Variants in ENPEP observed in about 807,000 individuals in gnomAD.
ENPEP encodes glutamyl aminopeptidase.
A neutral mutation model predicts 114.5 loss-of-function variants in ENPEP; 103 were observed. That is an observed-to-expected ratio of 0.90 (90% CI 0.77 to 1.06). ENPEP has a LOEUF of 1.06. Among genes scored for constraint, ENPEP ranks in the 50% least tolerant of loss-of-function variants. ENPEP has a pLI of 0.00. For synonymous variants in ENPEP, 420 were observed against 422.0 expected, an observed-to-expected ratio of 1.00 and a Z score of 0.06; for missense variants, 1,196 against 1,161.3, an observed-to-expected ratio of 1.03 and a Z score of -0.43.
chr4:110,477,191 G>T, intron 1 of ENPEP, 133 bp downstream of exon 1: 1 of 1,303,874 alleles, frequency 7.7e-7, no homozygotes. Context: ...TTCAATTCTG[G>T]CTGTCCATCT....
rs917837804 is a variant in ENPEP, at chr4:110,562,427, A to G, written c.*869A>G. 1 of 152,138 alleles carries G rather than the reference A, an allele frequency of 6.6e-6. No homozygotes were observed. Among genetic ancestry groups the G allele is most frequent in the Non-Finnish European group, 1.5e-5 (1 of 68,006 alleles). 9.4% of individuals were successfully genotyped at this position (152,138 alleles called of 1,614,324 possible). On this transcript the variant is annotated 3_prime_UTR_variant, in exon 20 of 20. Coordinates refer to ENST00000265162, the MANE Select transcript of ENPEP (RefSeq NM_001977.4). ...CTGCTCCATGGATTTTAGAGGAAAA[A>G]AGCTAAATAATTGGAAACTGTTCAG...
chr4:110,549,497 G>T (rs772764950), intron 15 of ENPEP, 31 bp from the exon 16 acceptor site: 23 of 1,612,550 alleles, frequency 1.4e-5, no homozygotes, highest in Non-Finnish European at 2.0e-5. Context: ...AGTGCTTAAG[G>T]CCCTGGATTT....
At chr4:110,535,863 T>C (rs1726597108) in intron 11 of ENPEP, among the ~76,000 whole-genome samples, 1 of 152,118 alleles carries the variant, frequency 6.6e-6, no homozygotes, top group African/African-American at 2.4e-5. Context: ...CCATCAACAC[T>C]GAGGCAAGAC....
chr4:110,513,323 T>C, intron 6 of ENPEP, 92 bp from the exon 7 acceptor site: 1 of 1,389,834 alleles, frequency 7.2e-7, no homozygotes, highest in East Asian at 2.6e-5. Context: ...TTTATATTTA[T>C]TTTCCTCCAA....
intron 8 of ENPEP, chr4:110,519,112 A>G: frequency 2.2e-6 from 1 of 455,688 alleles, no homozygotes; most frequent in Non-Finnish European, 4.4e-6. Flanking sequence ...AATTAACCAA[A>G]AGAACAAATA....
At chr4:110,526,026 A>C (rs1726182571) in intron 10 of ENPEP, among the ~76,000 whole-genome samples, 1 of 152,170 alleles carries the variant, frequency 6.6e-6, no homozygotes, top group Non-Finnish European at 1.5e-5. Flanking sequence ...CTGTAAGCCC[A>C]GCACTTTGGG....
rs1302162524 is a variant in ENPEP, at chr4:110,476,659, A to C, written c.245A>C (p.Glu82Ala). ...GACCAGGACATCTGCCCGGCCAGTG[A>C]GGATGAGAGCGGACAGTGGAAAAAC... The part of the protein sequence containing the change: ...AQDQDICPAS[E>A]DESGQWKNFR... The change falls in exon 1 of 20, where the codon GAG becomes GCG. Residue 82 changes from glutamate to alanine, a missense_variant. Transcript: ENST00000265162. 6.2e-7 allele frequency: 1 copy of C among 1,613,886 alleles called. No homozygotes were observed. The highest frequency in any genetic ancestry group is 8.5e-7 in the Non-Finnish European group (1 of 1,180,040).
chr4:110,541,632 A>AT (rs1468580825), intron 11 of ENPEP, among the ~76,000 whole-genome samples: 1 of 151,918 alleles, frequency 6.6e-6, no homozygotes, highest in African/African-American at 2.4e-5. Context: ...TGAGCATGCT[A>AT]TTTTTCTGCT....
At chr4:110,523,689 G>A (rs1726090554) in intron 10 of ENPEP, among the ~76,000 whole-genome samples, 1 of 152,128 alleles carries the variant, frequency 6.6e-6, no homozygotes, top group African/African-American at 2.4e-5. Context: ...AGAATAAATT[G>A]CAAATATAAA....
chr4:110,565,117 G>A lies in ENPEP; in HGVS notation c.*3559G>A, dbSNP rs1031113957. 1 of 152,056 alleles carries A rather than the reference G, an allele frequency of 6.6e-6. No homozygotes were observed. Among genetic ancestry groups the A allele is most frequent in the Non-Finnish European group, 1.5e-5 (1 of 68,034 alleles). The allele number at this position is 152,056 out of a possible 1,614,324, so 9.4% of individuals were successfully genotyped here. On this transcript the variant is annotated 3_prime_UTR_variant, in exon 20 of 20. Transcript: ENST00000265162. Reference sequence around the variant, plus strand: ...CTCCTCCTCCTTCCTCTACTTCAGGGTTTAGCGACCTTTTGCCTGCCTGTT... The same window carrying A: ...CTCCTCCTCCTTCCTCTACTTCAGGATTTAGCGACCTTTTGCCTGCCTGTT...
At chr4:110,552,412 A>G (rs1329875492) in intron 17 of ENPEP, among the ~76,000 whole-genome samples, 2 of 152,184 alleles carry the variant, frequency 1.3e-5, no homozygotes, top group African/African-American at 4.8e-5. Context: ...ATAATTTAGA[A>G]ATACCTTTTC....
intron 13 of ENPEP, among the ~76,000 whole-genome samples, chr4:110,547,492 G>C (rs573352466): frequency 3.9e-5 from 6 of 152,036 alleles, no homozygotes; most frequent in Non-Finnish European, 8.8e-5. Flanking sequence ...AATTTCATGA[G>C]ACAGGGAATA....
At chr4:110,520,956 A>G (rs927566089) in intron 10 of ENPEP, among the ~76,000 whole-genome samples, 6 of 152,212 alleles carry the variant, frequency 3.9e-5, no homozygotes, top group Non-Finnish European at 4.4e-5. Flanking sequence ...AGGAAAAAAT[A>G]CAGTGGGCTT....
intron 18 of ENPEP, among the ~76,000 whole-genome samples, chr4:110,557,719 C>T (rs1727527470): frequency 6.6e-6 from 1 of 152,106 alleles, no homozygotes; most frequent in Non-Finnish European, 1.5e-5. Flanking sequence ...ATTACTAATG[C>T]CTCAGAATCA....
In ENPEP at chr4:110,510,294, A is replaced by G. The variant is rs1229349754; in HGVS notation, c.1244A>G (p.Asn415Ser). The G allele has an allele frequency of 3.1e-6, 5 of 1,614,190 alleles. No homozygotes were observed. The highest frequency in any genetic ancestry group is 2.2e-5 in the East Asian group (1 of 44,878). The change falls in exon 6 of 20, where the codon AAT becomes AGT. Residue 415 changes from asparagine (N) to serine (S), a missense_variant. Transcript: ENST00000265162. The part of the protein sequence containing the change: ...TMDWWEDLWL[N>S]EGFASFFEFL... Reference sequence around the variant, plus strand: ...GACTGGTGGGAAGACTTGTGGCTAAATGAAGGATTTGCTTCTTTCTTTGAG... The same window carrying G: ...GACTGGTGGGAAGACTTGTGGCTAAGTGAAGGATTTGCTTCTTTCTTTGAG...
At chr4:110,515,896 GA>G in intron 8 of ENPEP, 24 of 440,566 alleles carry the variant, frequency 5.4e-5, no homozygotes, top group Non-Finnish European at 6.8e-5. Flanking sequence ...GAGAGAGAGA[GA>G]GGGAGAGAGA....
intron 1 of ENPEP, among the ~76,000 whole-genome samples, chr4:110,485,926 T>C (rs1724484648): frequency 6.6e-6 from 1 of 152,140 alleles, no homozygotes; most frequent in Admixed American, 6.5e-5. Context: ...TTACTGATGC[T>C]TCCTTTGATA....
chr4:110,514,762 G>A (rs555743313), intron 7 of ENPEP, among the ~76,000 whole-genome samples: 1 of 152,072 alleles, frequency 6.6e-6, no homozygotes, highest in East Asian at 1.9e-4. Context: ...TACAAATTGT[G>A]CATTTCAGTA....
At chr4:110,512,549 C>T (rs528574367) in intron 6 of ENPEP, 1 of 152,162 alleles carries the variant, frequency 6.6e-6, no homozygotes, top group African/African-American at 2.4e-5. Flanking sequence ...ATACAACATA[C>T]TCCTGTTTTG....
Sources: allele counts gnomAD v4.1 joint callset (sites outside exome capture counted in the v4.1 genomes callset), GRCh38; gene constraint gnomAD v4.1.1; transcripts MANE v1.5; gene names NCBI Gene and HGNC (gene_info 2026-07-23, HGNC 2026-07-21).